Variants in SASH1 observed in about 807,000 individuals in gnomAD.
SASH1 encodes the protein SAM and SH3 domain containing 1, also known as SAM and SH3 domain-containing protein 1.
Under a neutral mutation model 125.2 loss-of-function variants are expected in SASH1, and 44 were observed. The observed-to-expected ratio is 0.35, with a 90% CI of 0.28 to 0.45. The LOEUF is 0.45. SASH1 is among the 20% of genes least tolerant of loss of function. The pLI, the probability that SASH1 is intolerant of heterozygous loss-of-function variation, is 1.00. For missense variants in SASH1, 1,426 were observed against 1,614.5 expected, an observed-to-expected ratio of 0.88 and a Z score of 2.00; for synonymous variants, 639 against 649.1, an observed-to-expected ratio of 0.98 and a Z score of 0.24.
chr6:148,462,628 A>G (rs1191641441), intron 4 of SASH1, among the ~76,000 whole-genome samples: 3 of 152,232 alleles, frequency 2.0e-5, no homozygotes, highest in South Asian at 4.1e-4. Context: ...TCCATAGACC[A>G]TGGTGAGGTT....
At chr6:148,418,857 C>T (rs1258013842) in intron 2 of SASH1, among the ~76,000 whole-genome samples, 5 of 151,996 alleles carry the variant, frequency 3.3e-5, no homozygotes, top group Non-Finnish European at 7.4e-5. Context: ...AATCTCCAGA[C>T]CCCAAATCAT....
At chr6:148,403,351 C>T (rs976979457) in intron 2 of SASH1, among the ~76,000 whole-genome samples, 8 of 151,440 alleles carry the variant, frequency 5.3e-5, no homozygotes, top group African/African-American at 1.9e-4. Context: ...GCGATCCTCC[C>T]ACCTAGGCCT....
chr6:148,358,218 C>T (rs1782022432), intron 1 of SASH1, among the ~76,000 whole-genome samples: 1 of 152,064 alleles, frequency 6.6e-6, no homozygotes, highest in Admixed American at 6.6e-5. Context: ...TGTTCTATTT[C>T]AAGTCTTGAT....
chr6:148,391,583 G>T (rs1337803727), intron 2 of SASH1, among the ~76,000 whole-genome samples: 1 of 152,042 alleles, frequency 6.6e-6, no homozygotes, highest in Non-Finnish European at 1.5e-5. Flanking sequence ...TCTCACTCAG[G>T]TGCATTGAAA....
intron 1 of SASH1, among the ~76,000 whole-genome samples, chr6:148,281,784 G>A (rs1312982694): frequency 5.3e-5 from 8 of 152,016 alleles, no homozygotes; most frequent in East Asian, 3.9e-4. Flanking sequence ...TTAGTCGGGC[G>A]TGGTGGCACG....
intron 1 of SASH1, among the ~76,000 whole-genome samples, chr6:148,345,797 A>G (rs1450836490): frequency 6.6e-6 from 1 of 152,240 alleles, no homozygotes; most frequent in Non-Finnish European, 1.5e-5. Context: ...ATACCATGTT[A>G]GTGACAATGT....
chr6:148,425,632 G>A (rs1414265251), intron 2 of SASH1, among the ~76,000 whole-genome samples: 1 of 151,876 alleles, frequency 6.6e-6, no homozygotes, highest in Non-Finnish European at 1.5e-5. Flanking sequence ...AAAGTATTAT[G>A]TCAATTCGAT....
chr6:148,355,683 G>A (rs1336895917), intron 1 of SASH1, among the ~76,000 whole-genome samples: 3 of 152,154 alleles, frequency 2.0e-5, no homozygotes, highest in Admixed American at 2.0e-4. Flanking sequence ...TAGAGACCAG[G>A]AGGGGAGACG....
intron 2 of SASH1, among the ~76,000 whole-genome samples, chr6:148,438,725 CA>C (rs60769463): frequency 0.16 from 15,808 of 96,376 alleles, 623 homozygotes; most frequent in African/African-American, 0.22. Flanking sequence ...TTCATTGTGG[CA>C]AAAAAAAAAA....
rs1179146096 is a variant in SASH1 at position 148,533,388 on chromosome 6, G to A, written c.1735-383G>A. On this transcript the variant is annotated intron_variant, in intron 14 of 19. Transcript: ENST00000367467. The surrounding 1 kb of genome is among the most constrained non-coding windows in gnomAD (Gnocchi z 6.2). ...GTGCAGCCATGACAGGGCCGGGATT[G>A]CCACTGGTTAGGACAGGTGGGAAGT... 6.6e-6 allele frequency among the ~76,000 whole-genome samples: 1 copy of A among 152,190 alleles called. No homozygotes were observed. Among genetic ancestry groups the A allele is most frequent in the Admixed American group, 6.5e-5 (1 of 15,282 alleles).
chr6:148,246,102 T>C, the SASH1 span, among the ~76,000 whole-genome samples: 1 of 152,182 alleles, frequency 6.6e-6, no homozygotes, highest in Non-Finnish European at 1.5e-5. Flanking sequence ...ACTTCATATT[T>C]TTCTCTTCTC....
chr6:148,533,763 G>A lies in SASH1; in HGVS notation c.1735-8G>A. On this transcript the variant is annotated splice_region_variant and splice_polypyrimidine_tract_variant and intron_variant, in intron 14 of 19. Transcript: ENST00000367467. The surrounding 1 kb of genome is among the most constrained non-coding windows in gnomAD (Gnocchi z 6.2). ...CTAATGGAAAGATCTTTGCTCCCTG[G>A]GCCACAGAAAGGAGATATCATCGAT... 2 of 1,609,940 alleles carry A rather than the reference G, an allele frequency of 1.2e-6. No homozygotes were observed. Among genetic ancestry groups the A allele is most frequent in the East Asian group, 2.2e-5 (1 of 44,794 alleles).
chr6:148,306,077 T>TA (rs931365035), intron 1 of SASH1, among the ~76,000 whole-genome samples: 3 of 152,226 alleles, frequency 2.0e-5, no homozygotes, highest in South Asian at 4.1e-4. Context: ...AAAACAATTT[T>TA]AAAAAAAGAA....
At chr6:148,240,609 C>T in the SASH1 span, among the ~76,000 whole-genome samples, 1 of 152,112 alleles carries the variant, frequency 6.6e-6, no homozygotes, top group Non-Finnish European at 1.5e-5. Context: ...GAATATTTTC[C>T]CACACCCGAG....
intron 8 of SASH1, among the ~76,000 whole-genome samples, chr6:148,499,137 A>G (rs946535940): frequency 2.0e-5 from 3 of 148,918 alleles, no homozygotes; most frequent in African/African-American, 7.5e-5. Context: ...GGCTCACTGC[A>G]ACAAAATTCT....
At chr6:148,502,131 G>A (rs1032063545) in intron 8 of SASH1, among the ~76,000 whole-genome samples, 22 of 152,040 alleles carry the variant, frequency 1.4e-4, no homozygotes, top group Non-Finnish European at 2.2e-4. Flanking sequence ...CTCCTCCTCC[G>A]TCTCTTTCTT....
At chr6:148,287,792 G>C (rs894128845) in intron 1 of SASH1, among the ~76,000 whole-genome samples, 1 of 152,108 alleles carries the variant, frequency 6.6e-6, no homozygotes, top group Middle Eastern at 3.2e-3. Context: ...CATTCCCTTT[G>C]ATGAAGCTGT....
the SASH1 span, among the ~76,000 whole-genome samples, chr6:148,219,499 G>A: frequency 1.4e-4 from 21 of 152,154 alleles, 1 homozygote; most frequent in Non-Finnish European, 1.9e-4. Flanking sequence ...CTCCAAACTC[G>A]TTTTTCCCTA....
chr6:148,494,511 A>G (rs1375830361), intron 8 of SASH1, among the ~76,000 whole-genome samples: 1 of 152,056 alleles, frequency 6.6e-6, no homozygotes, highest in African/African-American at 2.4e-5. Flanking sequence ...TGTGCAAAGA[A>G]TGTTATACAG....
Sources: gnomAD v4.1 joint callset for allele counts (sites outside exome capture counted in the v4.1 genomes callset) on GRCh38, gnomAD v4.1.1 for gene constraint, Gnocchi (gnomAD v3.1) non-coding constraint, MANE v1.5 for transcripts, NCBI Gene and HGNC (gene_info 2026-07-23, HGNC 2026-07-21) for gene names.